PLEKHG7: variants seen among roughly 807,000 people sequenced by gnomAD.
PLEKHG7 encodes the protein pleckstrin homology and RhoGEF domain containing G7.
In PLEKHG7, 77 loss-of-function variants were observed where a neutral mutation model predicts 85.2. The observed-to-expected ratio is 0.90, with a 90% CI of 0.75 to 1.09. PLEKHG7 has a LOEUF of 1.09. PLEKHG7 is among the 50% of genes least tolerant of loss of function. The pLI, the probability that PLEKHG7 is intolerant of heterozygous loss-of-function variation, is 0.00. For synonymous variants in PLEKHG7, 301 were observed against 302.4 expected (o/e 1.00, Z 0.05); for missense variants, 777 against 804.3 (o/e 0.97, Z 0.41).
chr12:92,738,580 T>G (rs1005275261), intron 7 of PLEKHG7, among the ~76,000 whole-genome samples: 1 of 152,244 alleles, frequency 6.6e-6, no homozygotes, highest in African/African-American at 2.4e-5. Flanking sequence ...ACTCTGCCAT[T>G]GCAGTACAAA....
chr12:92,740,661 C>T (rs963997024), intron 7 of PLEKHG7, among the ~76,000 whole-genome samples, 192 bp from the exon 8 acceptor site: 4 of 152,156 alleles, frequency 2.6e-5, no homozygotes, highest in South Asian at 4.1e-4. Context: ...CTGAAAAGCT[C>T]ATTTCCAATA....
intron 1 of PLEKHG7, among the ~76,000 whole-genome samples, chr12:92,705,809 GA>G: frequency 1.3e-5 from 2 of 152,324 alleles, no homozygotes; most frequent in Middle Eastern, 3.4e-3. Context: ...CTGTGAAATG[GA>G]AGGGTCAGCT....
intron 3 of PLEKHG7, among the ~76,000 whole-genome samples, chr12:92,715,622 G>A (rs1298071585): frequency 6.7e-6 from 1 of 149,686 alleles, no homozygotes; most frequent in East Asian, 2.0e-4. Context: ...TTGAACAGCT[G>A]CTTGCCAGGC....
intron 9 of PLEKHG7, among the ~76,000 whole-genome samples, chr12:92,744,656 CT>C (rs869270724): frequency 0.022 from 2,971 of 137,786 alleles, 68 homozygotes; most frequent in African/African-American, 0.061. Flanking sequence ...TCCCAAATTT[CT>C]TTTTTTTTTT....
rs762510025 is a variant in PLEKHG7 at position 92,706,787 on chromosome 12, G to A, written c.156G>A (p.Arg52=). The A allele has an allele frequency of 8.7e-6, 14 of 1,614,044 alleles. No individual in the cohort carries two copies. Among genetic ancestry groups the A allele is most frequent in the Non-Finnish European group, 1.2e-5 (14 of 1,180,024 alleles). The change falls in exon 2 of 17, where the codon AGG becomes AGA. Residue 52 remains arginine, a synonymous_variant. Coordinates refer to ENST00000344636, the MANE Select transcript of PLEKHG7 (RefSeq NM_001377329.1). ...GCATCTCCACCTCGCCCACTTTGAG[G>A]AGATTAAGGACCCGTGGCTGTGGGA... ...PGRISTSPTL[R]RLRTRGCGTR... is the part of the protein sequence containing the mutation.
At position 92,718,469 on chromosome 12, in the gene PLEKHG7, C is replaced by T. The variant is rs1007988942; in HGVS notation, c.531-10524C>T. Among the ~76,000 whole-genome samples, 23 of 152,130 alleles carry T rather than the reference C, an allele frequency of 1.5e-4. No homozygotes were observed. In the East Asian group the frequency reaches 1.9e-3, roughly 13 times the overall value. On this transcript the variant is annotated intron_variant, in intron 3 of 16. Coordinates refer to ENST00000344636, the MANE Select transcript of PLEKHG7 (RefSeq NM_001377329.1). ...TCTGTTTTGTTTATTGCCTTATCCCCGGTACCTAGAACACTGCCTGGCACT... is the reference window on the plus strand; with the variant it reads ...TCTGTTTTGTTTATTGCCTTATCCCTGGTACCTAGAACACTGCCTGGCACT...
chr12:92,703,650 A>G (rs1490100514), intron 1 of PLEKHG7, among the ~76,000 whole-genome samples: 4 of 152,204 alleles, frequency 2.6e-5, no homozygotes, highest in Non-Finnish European at 2.9e-5. Flanking sequence ...AACCAGACCC[A>G]TTTCTTCTGG....
chr12:92,707,437 G>A (rs755151432), intron 2 of PLEKHG7: 8 of 1,431,808 alleles, frequency 5.6e-6, no homozygotes, highest in East Asian at 2.5e-5. Flanking sequence ...GAGCAATGGG[G>A]GCCCTCTTGC....
At chr12:92,750,988 A>C (rs1371333264) in intron 10 of PLEKHG7, among the ~76,000 whole-genome samples, 1 of 152,170 alleles carries the variant, frequency 6.6e-6, no homozygotes, top group Non-Finnish European at 1.5e-5. Context: ...GAAAAATTCT[A>C]ATCCCATTAA....
intron 13 of PLEKHG7, among the ~76,000 whole-genome samples, chr12:92,760,123 C>A (rs556891633): frequency 6.6e-6 from 1 of 152,120 alleles, no homozygotes; most frequent in Non-Finnish European, 1.5e-5. Flanking sequence ...TCAGAAGTTG[C>A]ATGCTTTGGC....
chr12:92,744,947 G>A (rs1872485844), intron 9 of PLEKHG7, among the ~76,000 whole-genome samples: 1 of 152,146 alleles, frequency 6.6e-6, no homozygotes, highest in Admixed American at 6.5e-5. Flanking sequence ...GATTACAGGC[G>A]TGAGCCACTG....
chr12:92,738,012 AGGCAGTCC>A, intron 7 of PLEKHG7, among the ~76,000 whole-genome samples: 1 of 152,120 alleles, frequency 6.6e-6, no homozygotes, highest in Non-Finnish European at 1.5e-5. Context: ...CACCCTTCTC[AGGCAGTCC>A]ATTGCATCTT....
At chr12:92,709,391 T>C (rs1871325217) in intron 3 of PLEKHG7, among the ~76,000 whole-genome samples, 1 of 152,172 alleles carries the variant, frequency 6.6e-6, no homozygotes, top group Non-Finnish European at 1.5e-5. Context: ...CTAGATAAAC[T>C]TGGGTAAAGA....
intron 3 of PLEKHG7, among the ~76,000 whole-genome samples, chr12:92,723,521 A>G (rs1446406138): frequency 6.6e-6 from 1 of 152,228 alleles, no homozygotes; most frequent in Non-Finnish European, 1.5e-5. Flanking sequence ...ATGATATTAT[A>G]ATATATTCAA....
chr12:92,761,494 G>GT lies in PLEKHG7; in HGVS notation c.1637-257dup, dbSNP rs543272610. On this transcript the variant is annotated intron_variant, in intron 13 of 16. Coordinates refer to ENST00000344636, the MANE Select transcript of PLEKHG7 (RefSeq NM_001377329.1). The stretch of plus-strand genomic sequence containing the variant: ...ACATGATTGGAGCCCCTGGGGTGCC[G>GT]TAATACTCACCCAGTTTTGTTTTCT... Among the ~76,000 whole-genome samples, 279 of 150,802 alleles carry GT rather than the reference G, an allele frequency of 1.9e-3. 1 individual carries two copies. The highest frequency in any genetic ancestry group is 3.4e-3 in the Non-Finnish European group (230 of 67,836).
chr12:92,754,387 G>A lies in PLEKHG7; in HGVS notation c.1426+123G>A, dbSNP rs1872770781. ...TTGAGGTCATGGCTCTTGGAAATGTGGGTTCAAGTGTGAGTGCATTGTAAA... is the reference window on the plus strand; with the variant it reads ...TTGAGGTCATGGCTCTTGGAAATGTAGGTTCAAGTGTGAGTGCATTGTAAA... On this transcript the variant is annotated intron_variant, in intron 11 of 16. Coordinates refer to ENST00000344636, the MANE Select transcript of PLEKHG7 (RefSeq NM_001377329.1). The A allele has an allele frequency of 4.3e-6, 4 of 920,920 alleles. No individual in the cohort carries two copies. The South Asian group carries it at 5.0e-5, about 12-fold the overall frequency. 57.0% of individuals were successfully genotyped at this position (920,920 alleles called of 1,614,324 possible).
At chr12:92,735,424 C>A (rs1229323704) in intron 5 of PLEKHG7, among the ~76,000 whole-genome samples, 1 of 152,168 alleles carries the variant, frequency 6.6e-6, no homozygotes, top group Admixed American at 6.5e-5. Context: ...AGCCCCCTAC[C>A]TGCAACAGCA....
At chr12:92,761,671 A>AAAG (rs1873033175) in intron 13 of PLEKHG7, 81 bp from the exon 14 acceptor site, 11 of 1,285,370 alleles carry the variant, frequency 8.6e-6, no homozygotes, top group African/African-American at 1.6e-5. Context: ...AGAAAGAAAG[A>AAAG]AAGAAAGAAA....
intron 16 of PLEKHG7, among the ~76,000 whole-genome samples, chr12:92,769,868 T>A (rs763367444): frequency 2.0e-5 from 3 of 152,214 alleles, no homozygotes; most frequent in Non-Finnish European, 4.4e-5. Flanking sequence ...CCAACATGCA[T>A]ACCATACTCA....
Sources: gnomAD v4.1 joint callset for allele counts (sites outside exome capture counted in the v4.1 genomes callset) on GRCh38, gnomAD v4.1.1 for gene constraint, MANE v1.5 for transcripts, NCBI Gene and HGNC (gene_info 2026-07-23, HGNC 2026-07-21) for gene names.